The following ULK4 variants were observed in gnomAD, a reference collection of about 807,000 sequenced individuals.
ULK4 encodes inactive serine/threonine-protein kinase ULK4.
ULK4 carries 133 observed loss-of-function variants against 160.6 expected under a neutral mutation model. The observed-to-expected ratio is 0.83, with a 90% CI of 0.72 to 0.96. ULK4 has a LOEUF of 0.96. ULK4 is among the 40% of genes least tolerant of loss of function. ULK4 has a pLI of 0.00. For missense variants in ULK4, 1,580 were observed against 1,499.5 expected (o/e 1.05, Z -0.89); for synonymous variants, 534 against 539.8 (o/e 0.99, Z 0.15).
intron 5 of ULK4, among the ~76,000 whole-genome samples, chr3:41,925,803 T>C (rs1010189027): frequency 2.0e-5 from 3 of 151,782 alleles, no homozygotes; most frequent in African/African-American, 7.3e-5. Flanking sequence ...GCGAACTGGG[T>C]GGAGCCCACT....
chr3:41,673,173 G>C (rs558013656), intron 29 of ULK4, among the ~76,000 whole-genome samples: 1 of 152,028 alleles, frequency 6.6e-6, no homozygotes, highest in Admixed American at 6.6e-5. Context: ...AATTATGTAA[G>C]CAAAGAACAA....
At chr3:41,893,272 G>A (rs1318248509) in intron 16 of ULK4, among the ~76,000 whole-genome samples, 3 of 152,032 alleles carry the variant, frequency 2.0e-5, no homozygotes, top group Admixed American at 2.0e-4. Flanking sequence ...ACATAAAAAT[G>A]GCTAAAATGG....
At chr3:41,780,249 A>G (rs879773957) in intron 21 of ULK4, among the ~76,000 whole-genome samples, 1 of 152,104 alleles carries the variant, frequency 6.6e-6, no homozygotes, top group Non-Finnish European at 1.5e-5. Flanking sequence ...CAGCGGTTTC[A>G]GTGAGCCAAG....
chr3:41,789,640 C>CAGGTAA, intron 21 of ULK4, 21 bp downstream of exon 21: 1 of 1,533,996 alleles, frequency 6.5e-7, no homozygotes, highest in African/African-American at 1.4e-5. Context: ...TGTAGAGTAA[C>CAGGTAA]AGGTAAAATC....
chr3:41,916,363 A>T (rs1475205838), intron 7 of ULK4, among the ~76,000 whole-genome samples: 1 of 152,206 alleles, frequency 6.6e-6, no homozygotes, highest in Non-Finnish European at 1.5e-5. Context: ...CACCAGCTTA[A>T]CAAACTCAAA....
chr3:41,506,771 T>A (rs372155556), intron 32 of ULK4, among the ~76,000 whole-genome samples: 11,989 of 26,028 alleles, frequency 0.46, 2,884 homozygotes, highest in Non-Finnish European at 0.6. Flanking sequence ...ATTTAAAATA[T>A]ATATATATAT....
chr3:41,798,953 G>A (rs1322264928), intron 20 of ULK4, among the ~76,000 whole-genome samples: 1 of 152,154 alleles, frequency 6.6e-6, no homozygotes, highest in Non-Finnish European at 1.5e-5. Flanking sequence ...TACCAGGAAG[G>A]AAAGAATTGA....
At chr3:41,646,618 C>G (rs552167687) in intron 30 of ULK4, among the ~76,000 whole-genome samples, 2 of 152,140 alleles carry the variant, frequency 1.3e-5, no homozygotes, top group Non-Finnish European at 2.9e-5. Context: ...CTATGGCTGC[C>G]CTTAACATTT....
At chr3:41,398,380 C>A in intron 34 of ULK4, 116 bp from the exon 35 acceptor site, 3 of 956,956 alleles carry the variant, frequency 3.1e-6, no homozygotes, top group Non-Finnish European at 4.5e-6. Context: ...CTGCTGAATA[C>A]TTTTTTACTT....
chr3:41,424,184 T>C (rs921770786), intron 34 of ULK4, among the ~76,000 whole-genome samples: 2 of 152,072 alleles, frequency 1.3e-5, no homozygotes, highest in South Asian at 2.1e-4. Context: ...AGTGGCCAGA[T>C]TGACCTATCC....
intron 5 of ULK4, among the ~76,000 whole-genome samples, chr3:41,931,158 A>C (rs1699582234): frequency 6.6e-6 from 1 of 152,238 alleles, no homozygotes; most frequent in Admixed American, 6.5e-5. Flanking sequence ...GCCATAAAAA[A>C]GGATGAGTTC....
At chr3:41,577,902 A>C (rs1446384295) in intron 31 of ULK4, among the ~76,000 whole-genome samples, 1 of 152,138 alleles carries the variant, frequency 6.6e-6, no homozygotes, top group Non-Finnish European at 1.5e-5. Context: ...AAACAGATAA[A>C]TTTTTTGCCC....
intron 31 of ULK4, among the ~76,000 whole-genome samples, chr3:41,610,339 T>G (rs2032613140): frequency 6.6e-6 from 1 of 152,160 alleles, no homozygotes; most frequent in Non-Finnish European, 1.5e-5. Flanking sequence ...ATTTTATATT[T>G]TATTATAGAA....
At chr3:41,680,850 A>G (rs561583803) in intron 29 of ULK4, among the ~76,000 whole-genome samples, 1 of 152,310 alleles carries the variant, frequency 6.6e-6, no homozygotes, top group African/African-American at 2.4e-5. Context: ...CTTCTTTAAT[A>G]TTGACATATG....
intron 32 of ULK4, among the ~76,000 whole-genome samples, chr3:41,484,456 TCC>T: frequency 2.4e-5 from 3 of 127,248 alleles, no homozygotes; most frequent in African/African-American, 6.0e-5. Context: ...TTCTTTCTTT[TCC>T]TTTTTTTGTT....
Position 41,408,245 on chromosome 3 carries a change from G to A in ULK4, c.3493-9981C>T, listed in dbSNP as rs147485658. On this transcript the variant is annotated intron_variant, in intron 34 of 36. Transcript: ENST00000301831. ...AGATCGAGACCATCCTGGCTAACAC[G>A]GTGAAACCCTGTCTCTACTAAAAAT... Among the ~76,000 whole-genome samples the A allele has an allele frequency of 6.1e-3, 927 of 151,526 alleles. 9 individuals are homozygous for A. Among genetic ancestry groups the A allele is most frequent in the African/African-American group, 0.021 (886 of 41,364 alleles).
rs566065841 is a variant in ULK4, at chr3:41,289,265, T to C, written c.3679-39691A>G. ...ATCATGTGAGTGTACTGTACATTTT[T>C]AAATTATAGCTATCACTTACTGAGT... On this transcript the variant is annotated intron_variant, in intron 35 of 36. Coordinates refer to ENST00000301831, the MANE Select transcript of ULK4 (RefSeq NM_017886.4). Among the ~76,000 whole-genome samples the C allele has an allele frequency of 2.6e-5, 4 of 152,334 alleles. No individual in the cohort carries two copies. The South Asian group carries it at 8.3e-4, about 32-fold the overall frequency.
chr3:41,625,758 G>C (rs2033476694), intron 30 of ULK4, among the ~76,000 whole-genome samples: 1 of 152,170 alleles, frequency 6.6e-6, no homozygotes, highest in Non-Finnish European at 1.5e-5. Context: ...AATCCGAAAA[G>C]AATGAAATGT....
intron 21 of ULK4, among the ~76,000 whole-genome samples, chr3:41,758,538 C>G (rs144813246): frequency 1.1e-3 from 164 of 152,266 alleles, no homozygotes; most frequent in African/African-American, 3.8e-3. Context: ...AAGAATAAAA[C>G]TTGATGACCA....
Sources: gnomAD v4.1 joint callset for allele counts (sites outside exome capture counted in the v4.1 genomes callset) on GRCh38, gnomAD v4.1.1 for gene constraint, MANE v1.5 for transcripts, NCBI Gene and HGNC (gene_info 2026-07-23, HGNC 2026-07-21) for gene names.